The following MAPK4 variants were observed in gnomAD, a reference collection of about 807,000 sequenced individuals.
MAPK4 encodes the protein mitogen-activated protein kinase 4.
MAPK4 carries 22 observed loss-of-function variants against 47.7 expected under a neutral mutation model. That is an observed-to-expected ratio of 0.46 (90% CI 0.33 to 0.66). MAPK4 has a LOEUF of 0.66. Ranked by LOEUF, MAPK4 falls within the 30% of genes least tolerant of loss-of-function variation. The pLI is 0.02. For synonymous variants in MAPK4, 390 were observed against 365.7 expected, an observed-to-expected ratio of 1.07 and a Z score of -0.76; for missense variants, 736 against 831.7, an observed-to-expected ratio of 0.88 and a Z score of 1.42.
chr18:50,710,552 C>G (rs1302832575), intron 2 of MAPK4, among the ~76,000 whole-genome samples: 1 of 151,844 alleles, frequency 6.6e-6, no homozygotes, highest in Non-Finnish European at 1.5e-5. Flanking sequence ...CCGAGGTGGA[C>G]AGATCATGAG....
At chr18:50,595,030 T>C (rs1439862548) in intron 1 of MAPK4, among the ~76,000 whole-genome samples, 4 of 152,208 alleles carry the variant, frequency 2.6e-5, no homozygotes, top group Admixed American at 1.3e-4. Flanking sequence ...CTAGAATAGC[T>C]AAAATCAGAA....
chr18:50,689,087 C>T (rs565192592), intron 2 of MAPK4, among the ~76,000 whole-genome samples: 11 of 149,154 alleles, frequency 7.4e-5, no homozygotes, highest in East Asian at 2.0e-4. Flanking sequence ...GGCAAAACCC[C>T]GTCTCTACTA....
At chr18:50,573,359 G>A (rs1016248706) in intron 1 of MAPK4, among the ~76,000 whole-genome samples, 2 of 152,154 alleles carry the variant, frequency 1.3e-5, no homozygotes, top group African/African-American at 4.8e-5. Flanking sequence ...AGCCAGCAAA[G>A]CTTCATCTCT....
rs376473585 is a variant in MAPK4 at position 50,593,486 on chromosome 18, C to T, written c.-871+33243C>T. On this transcript the variant is annotated intron_variant, in intron 1 of 5. Coordinates refer to ENST00000400384, the MANE Select transcript of MAPK4 (RefSeq NM_002747.4). ...GCTGTATATGCTTCAGCAGATAACC[C>T]GCAGTCTTTCTGAGCAGAGAGTCCT... 1.4e-4 allele frequency among the ~76,000 whole-genome samples: 22 copies of T among 152,266 alleles called. No individual in the cohort carries two copies. In the East Asian group the frequency reaches 2.7e-3, roughly 19 times the overall value.
chr18:50,682,925 C>T (rs951474428), intron 2 of MAPK4, among the ~76,000 whole-genome samples: 1 of 152,194 alleles, frequency 6.6e-6, no homozygotes, highest in Non-Finnish European at 1.5e-5. Flanking sequence ...CACAACACTA[C>T]AGATGTATCT....
chr18:50,618,324 C>G (rs746142288), intron 1 of MAPK4, among the ~76,000 whole-genome samples: 1 of 152,186 alleles, frequency 6.6e-6, no homozygotes, highest in African/African-American at 2.4e-5. Flanking sequence ...CTAGTTACTA[C>G]GCCCTGTACC....
intron 1 of MAPK4, among the ~76,000 whole-genome samples, chr18:50,609,369 C>T (rs532206331): frequency 1.2e-4 from 18 of 151,260 alleles, no homozygotes; most frequent in Admixed American, 6.6e-4. Flanking sequence ...CCAGACGGGG[C>T]GGCTGGCCGG....
chr18:50,705,292 C>T (rs1909990914), intron 2 of MAPK4: 1 of 152,240 alleles, frequency 6.6e-6, no homozygotes, highest in African/African-American at 2.4e-5. Context: ...CTATCTTGTA[C>T]AGAGGTGCAC....
At position 50,730,106 on chromosome 18, in the gene MAPK4, T is replaced by C; in HGVS notation, c.*252T>C. On this transcript the variant is annotated 3_prime_UTR_variant, in exon 6 of 6. Transcript: ENST00000400384. Reference sequence around the variant, plus strand: ...CTTTCCTAGCAAAGGGGAGACCACATGTGGTGCACAGGGAAGAAACGGCTT... The same window carrying C: ...CTTTCCTAGCAAAGGGGAGACCACACGTGGTGCACAGGGAAGAAACGGCTT... The C allele has an allele frequency of 5.2e-6, 2 of 383,698 alleles. No homozygotes were observed. Among genetic ancestry groups the C allele is most frequent in the Non-Finnish European group, 9.3e-6 (2 of 214,274 alleles). The allele number at this position is 383,698 out of a possible 1,614,324, so 23.8% of individuals were successfully genotyped here. A position where few individuals can be genotyped will look rare whatever the true frequency, so the allele number is the denominator to read the frequency against.
chr18:50,729,189 T>C lies in MAPK4; in HGVS notation c.1099T>C (p.Trp367Arg). ...YPVSLSSDLEWRPDRCQDASE... is the reference protein window; with the variant it reads ...YPVSLSSDLERRPDRCQDASE... ...TGTGAGCCTGTCGTCGGACCTGGAGTGGCGGCCTGACCGGTGCCAGGACGC... is the reference window on the plus strand; with the variant it reads ...TGTGAGCCTGTCGTCGGACCTGGAGCGGCGGCCTGACCGGTGCCAGGACGC... Residue 367 changes from tryptophan (W) to arginine (R), a missense_variant, in exon 6 of 6, where the codon TGG (tryptophan) becomes CGG (arginine). By Grantham distance (101) the Trp-to-Arg change is moderately radical. Coordinates refer to ENST00000400384, the MANE Select transcript of MAPK4 (RefSeq NM_002747.4). The C allele has an allele frequency of 6.3e-7, 1 of 1,590,808 alleles. No individual in the cohort carries two copies. The highest frequency in any genetic ancestry group is 2.3e-5 in the East Asian group (1 of 44,230).
chr18:50,707,569 CAAAAAAAAA>C (rs11419022), intron 2 of MAPK4, among the ~76,000 whole-genome samples: 1 of 72,522 alleles, frequency 1.4e-5, no homozygotes, highest in Non-Finnish European at 2.5e-5. Flanking sequence ...GCCTCTGTCT[CAAAAAAAAA>C]AAAAAAAAAA....
At chr18:50,647,682 C>T (rs1159235442) in intron 1 of MAPK4, among the ~76,000 whole-genome samples, 1 of 152,164 alleles carries the variant, frequency 6.6e-6, no homozygotes, top group South Asian at 2.1e-4. Context: ...TTTTTCCACA[C>T]CTCGTTCAGC....
intron 1 of MAPK4, among the ~76,000 whole-genome samples, chr18:50,614,897 T>C (rs867724806): frequency 6.6e-6 from 1 of 152,178 alleles, no homozygotes; most frequent in African/African-American, 2.4e-5. Flanking sequence ...ATCTGTTACA[T>C]TGCTGGTCTC....
chr18:50,625,762 C>T (rs1262832077), intron 1 of MAPK4, among the ~76,000 whole-genome samples: 4 of 152,118 alleles, frequency 2.6e-5, no homozygotes, highest in African/African-American at 9.6e-5. Flanking sequence ...TAGAAAATAG[C>T]TAGAGCCCCT....
chr18:50,646,526 A>G (rs2042990908), intron 1 of MAPK4, among the ~76,000 whole-genome samples: 1 of 152,132 alleles, frequency 6.6e-6, no homozygotes, highest in Non-Finnish European at 1.5e-5. Flanking sequence ...GGACCCCCTG[A>G]GCATAGACAA....
intron 1 of MAPK4, among the ~76,000 whole-genome samples, chr18:50,575,045 C>T (rs910721492): frequency 7.2e-5 from 11 of 152,170 alleles, no homozygotes; most frequent in African/African-American, 2.7e-4. Context: ...AACCTAATTC[C>T]TAATGCAACA....
At chr18:50,614,702 G>A (rs1428534051) in intron 1 of MAPK4, among the ~76,000 whole-genome samples, 1 of 152,158 alleles carries the variant, frequency 6.6e-6, no homozygotes, top group African/African-American at 2.4e-5. Flanking sequence ...CTATCTAGAT[G>A]TGTATATATT....
chr18:50,712,765 T>A (rs1156233611), intron 2 of MAPK4, among the ~76,000 whole-genome samples: 1 of 152,214 alleles, frequency 6.6e-6, no homozygotes, highest in Non-Finnish European at 1.5e-5. Context: ...CATAAAAGAC[T>A]GTGCATTTAC....
chr18:50,642,767 C>T (rs1466006284), intron 1 of MAPK4, among the ~76,000 whole-genome samples: 1 of 152,178 alleles, frequency 6.6e-6, no homozygotes, highest in East Asian at 1.9e-4. Flanking sequence ...GAGGAACTGC[C>T]ATTCTATCCA....
Sources: allele counts gnomAD v4.1 joint callset (sites outside exome capture counted in the v4.1 genomes callset), GRCh38; gene constraint gnomAD v4.1.1; transcripts MANE v1.5; gene names NCBI Gene and HGNC (gene_info 2026-07-23, HGNC 2026-07-21).